The following MACF1 variants were observed in gnomAD, a reference collection of about 807,000 sequenced individuals.
MACF1 encodes the protein microtubule-actin cross-linking factor 1.
Under a neutral mutation model 854.8 loss-of-function variants are expected in MACF1, and 193 were observed. That is an observed-to-expected ratio of 0.23 (90% confidence interval 0.20 to 0.25). The LOEUF is 0.25. MACF1 is among the 10% of genes least tolerant of loss of function. The pLI, the probability that MACF1 is intolerant of heterozygous loss-of-function variation, is 1.00. For synonymous variants in MACF1, 3,185 were observed against 3,226.7 expected, an observed-to-expected ratio of 0.99 and a Z score of 0.44; for missense variants, 7,722 against 8,929.1, an observed-to-expected ratio of 0.86 and a Z score of 5.45.
intron 21 of MACF1, chr1:39,299,247 GA>G (rs1557573044): frequency 2.2e-6 from 1 of 456,146 alleles, no homozygotes. Context: ...TGCTCCCGGG[GA>G]CAGGCACAGG....
At position 39,105,595 on chromosome 1, in the gene MACF1, G is replaced by A. The variant is rs1209061556; in HGVS notation, c.220+21157G>A. ...CGGGCCTGGAACCGGCAGCCCCCGG[G>A]GCTCGGCGAGAAGGCGGTGCGGGCG... On this transcript the variant is annotated intron_variant, in intron 2 of 93. Transcript: ENST00000361689. The surrounding 1 kb of genome is among the most constrained non-coding windows in gnomAD (Gnocchi z 5.9). 3 of 1,214,518 alleles carry A rather than the reference G, an allele frequency of 2.5e-6. No homozygotes were observed. The highest frequency in any genetic ancestry group is 1.6e-5 in the African/African-American group (1 of 61,188). 75.2% of individuals were successfully genotyped at this position (1,214,518 alleles called of 1,614,324 possible).
chr1:39,190,391 G>GTTTTTTTTTTT, intron 2 of MACF1, among the ~76,000 whole-genome samples: 1 of 41,808 alleles, frequency 2.4e-5, no homozygotes. Flanking sequence ...GTGTGTGTGT[G>GTTTTTTTTTTT]TTTGTTTTTG....
In MACF1 at chr1:39,343,662, T is replaced by G. The variant is rs28603204; in HGVS notation, c.10581+2709T>G. Among the ~76,000 whole-genome samples, 322 of 152,340 alleles carry G rather than the reference T, an allele frequency of 2.1e-3. 1 individual carries two copies. The highest frequency in any genetic ancestry group is 7.4e-3 in the African/African-American group (306 of 41,568). On this transcript the variant is annotated intron_variant, in intron 40 of 100. Coordinates refer to ENST00000564288, the MANE Select transcript of MACF1 (RefSeq NM_001394062.1). ...GTGATAGTTTCCTAAATTATCATGT[T>G]CACAGAGGAAGGAAGCTTTGTCTTA...
At chr1:39,364,640 C>G (rs543445524) in intron 49 of MACF1, among the ~76,000 whole-genome samples, 2 of 152,138 alleles carry the variant, frequency 1.3e-5, no homozygotes, top group Non-Finnish European at 2.9e-5. Context: ...CTACAGGTGC[C>G]TGCCACCGCG....
At position 39,346,882 on chromosome 1, in the gene MACF1, A is replaced by C. The variant is rs1023912189; in HGVS notation, c.10582-95A>C. The stretch of plus-strand genomic sequence containing the variant: ...AGTGCCAGTTATGAAAATACAGGAA[A>C]TTAGCCTCTCTGATTCTGTTGGTTT... On this transcript the variant is annotated intron_variant, in intron 40 of 100. Transcript: ENST00000564288. 2.9e-5 allele frequency: 23 copies of C among 801,520 alleles called. No homozygotes were observed. The Admixed American group carries it at 5.5e-4, about 19-fold the overall frequency. The allele number at this position is 801,520 out of a possible 1,614,324, so 49.7% of individuals were successfully genotyped here. A position where few individuals can be genotyped will look rare whatever the true frequency, so the allele number is the denominator to read the frequency against.
intron 22 of MACF1, among the ~76,000 whole-genome samples, chr1:39,302,135 T>C (rs1293277552): frequency 6.6e-6 from 1 of 152,172 alleles, no homozygotes; most frequent in Non-Finnish European, 1.5e-5. Context: ...TGGCTGGGAC[T>C]ACAGGCATGC....
At chr1:39,090,511 G>A (rs1200903838) in intron 2 of MACF1, among the ~76,000 whole-genome samples, 1 of 152,226 alleles carries the variant, frequency 6.6e-6, no homozygotes, top group South Asian at 2.1e-4. Context: ...CTGAGGTGCA[G>A]GGCCCCTGTG....
At chr1:39,155,805 C>G (rs1205938830) in intron 2 of MACF1, among the ~76,000 whole-genome samples, 2 of 152,090 alleles carry the variant, frequency 1.3e-5, no homozygotes, top group Non-Finnish European at 2.9e-5. Flanking sequence ...CTGCAACTTC[C>G]GCCTCCGGGT....
At chr1:39,385,176 T>C (rs1477056098) in intron 56 of MACF1, among the ~76,000 whole-genome samples, 2 of 152,146 alleles carry the variant, frequency 1.3e-5, no homozygotes, top group Admixed American at 1.3e-4. Context: ...CAAGCAATTC[T>C]CGTGCCTCAG....
At chr1:39,187,077 T>TAC (rs775927499) in intron 2 of MACF1, among the ~76,000 whole-genome samples, 5 of 151,944 alleles carry the variant, frequency 3.3e-5, no homozygotes, top group African/African-American at 4.8e-5. Flanking sequence ...CCCCTTAACG[T>TAC]ACACACTTTC....
At chr1:39,207,100 G>A (rs1289593088) in intron 1 of MACF1, 3 of 151,732 alleles carry the variant, frequency 2.0e-5, no homozygotes, top group Non-Finnish European at 4.4e-5. Flanking sequence ...ATGAGCTCAG[G>A]TGTTAACTGA....
chr1:39,275,564 A>G (rs1182539926), intron 6 of MACF1, among the ~76,000 whole-genome samples: 2 of 152,196 alleles, frequency 1.3e-5, no homozygotes, highest in Non-Finnish European at 2.9e-5. Context: ...GGCAGAAGGT[A>G]AAAATTCTGA....
intron 58 of MACF1, among the ~76,000 whole-genome samples, chr1:39,395,100 A>C (rs1161788478): frequency 6.6e-6 from 1 of 152,190 alleles, no homozygotes; most frequent in African/African-American, 2.4e-5. Flanking sequence ...GCAGCCACTC[A>C]CGCCACCACC....
At chr1:39,411,747 G>C in intron 58 of MACF1, 2 of 1,613,828 alleles carry the variant, frequency 1.2e-6, no homozygotes, top group Non-Finnish European at 1.7e-6. Flanking sequence ...CTTCTGAAGG[G>C]CTGGCTGCAT....
chr1:39,484,195 C>G (rs778549886), intron 99 of MACF1, among the ~76,000 whole-genome samples: 1 of 152,206 alleles, frequency 6.6e-6, no homozygotes, highest in Non-Finnish European at 1.5e-5. Flanking sequence ...ACTTGAATCT[C>G]CATATCAAAT....
chr1:39,455,076 A>G lies in MACF1; in HGVS notation c.21054A>G (p.Lys7018=). Residue 7018 remains lysine, a synonymous_variant, in exon 89 of 101, where the codon AAA becomes AAG. Transcript: ENST00000564288. ...TCCCGCAGAACATTGACCGAGTTAA[A>G]GCCCTTATCGCTGAGCATCAGGTAT... ...EPIPQNIDRV[K]ALIAEHQTFM... 1 of 1,614,144 alleles carries G rather than the reference A, an allele frequency of 6.2e-7. No homozygotes were observed. The highest frequency in any genetic ancestry group is 8.5e-7 in the Non-Finnish European group (1 of 1,179,994).
intron 74 of MACF1, 105 bp downstream of exon 74, chr1:39,441,430 C>T: frequency 1.2e-6 from 1 of 860,426 alleles, no homozygotes; most frequent in Non-Finnish European, 1.9e-6. Context: ...CACAGGACTG[C>T]AGACCTAAGA....
intron 1 of MACF1, 86 bp downstream of exon 1, chr1:39,205,217 T>C (rs1386474040): frequency 1.4e-6 from 1 of 690,040 alleles, no homozygotes; most frequent in Non-Finnish European, 2.6e-6. Context: ...CCCAGTTGCT[T>C]TCCTTAAAGG....
intron 87 of MACF1, 140 bp downstream of exon 87, chr1:39,452,952 G>A: frequency 1.1e-6 from 1 of 914,028 alleles, no homozygotes; most frequent in Non-Finnish European, 1.6e-6. Flanking sequence ...CTAGCTCATT[G>A]GTTTAGCAGG....
Sources: gnomAD v4.1 joint callset for allele counts (sites outside exome capture counted in the v4.1 genomes callset) on GRCh38, gnomAD v4.1.1 for gene constraint, Gnocchi (gnomAD v3.1) non-coding constraint, MANE v1.5 for transcripts, NCBI Gene and HGNC (gene_info 2026-07-23, HGNC 2026-07-21) for gene names.